ERCC8: variants seen among roughly 807,000 people sequenced by gnomAD.
The protein encoded by ERCC8 is ERCC excision repair 8, CSA ubiquitin ligase complex subunit, also known as DNA excision repair protein ERCC-8.
ERCC8 carries 52 observed loss-of-function variants against 54.9 expected under a neutral mutation model. That is an observed-to-expected ratio of 0.95 (90% CI 0.76 to 1.19). The LOEUF is 1.19. Among genes scored for constraint, ERCC8 ranks in the 50% most tolerant of loss-of-function variants. The pLI is 0.00. For missense variants in ERCC8, 514 were observed against 466.1 expected, an observed-to-expected ratio of 1.10 and a Z score of -0.95; for synonymous variants, 146 against 157.2, an observed-to-expected ratio of 0.93 and a Z score of 0.53.
rs1749566340 is a variant in ERCC8, at chr5:60,920,342, T to C, written c.275+1712A>G. ...AGAGATTTTTCCAGTGATACTACTT[T>C]TAAATGAAACAAATTTTTAATGTAG... On this transcript the variant is annotated intron_variant, in intron 3 of 11. Coordinates refer to ENST00000676185, the MANE Select transcript of ERCC8 (RefSeq NM_000082.4). 2.0e-5 allele frequency among the ~76,000 whole-genome samples: 3 copies of C among 152,014 alleles called. No homozygotes were observed. In the South Asian group the frequency reaches 6.2e-4, roughly 31 times the overall value.
intron 8 of ERCC8, among the ~76,000 whole-genome samples, chr5:60,898,738 C>T (rs1027534260): frequency 4.0e-5 from 6 of 149,654 alleles, no homozygotes; most frequent in Non-Finnish European, 7.4e-5. Flanking sequence ...ATTTTTATTG[C>T]TAACCTAAAA....
chr5:60,937,317 G>A (rs909256255), intron 1 of ERCC8, among the ~76,000 whole-genome samples: 1 of 152,204 alleles, frequency 6.6e-6, no homozygotes, highest in African/African-American at 2.4e-5. Context: ...AAGGATACAT[G>A]CTTGCCCTAG....
At chr5:60,943,907 T>C (rs1750342827) in intron 1 of ERCC8, among the ~76,000 whole-genome samples, 1 of 152,234 alleles carries the variant, frequency 6.6e-6, no homozygotes, top group African/African-American at 2.4e-5. Flanking sequence ...CTCTCAGAGA[T>C]ATTTCACAAC....
In ERCC8 at chr5:60,904,771, CA is replaced by C. The variant is rs4647101; in HGVS notation, c.481+20del. 1.3e-5 allele frequency: 20 copies of C among 1,501,604 alleles called. No individual in the cohort carries two copies. In the East Asian group the frequency reaches 4.6e-4, roughly 34 times the overall value. The allele number at this position is 1,501,604 out of a possible 1,614,324, so 93.0% of individuals were successfully genotyped here. On this transcript the variant is annotated intron_variant, in intron 5 of 11. Transcript: ENST00000676185. ...AGAAAGTTTTCAGTATGTCAAAAGA[CA>C]AAAGAATACACTTACAAACCTGCTA...
chr5:60,903,522 T>C, intron 6 of ERCC8, 126 bp downstream of exon 6: 2 of 1,484,892 alleles, frequency 1.3e-6, no homozygotes, highest in East Asian at 2.4e-5. Flanking sequence ...ATTTCCCTGC[T>C]GAGTCTCAAC....
chr5:60,902,698 T>TA (rs2112491543), intron 6 of ERCC8, among the ~76,000 whole-genome samples, 190 bp from the exon 7 acceptor site: 1 of 152,168 alleles, frequency 6.6e-6, no homozygotes, highest in South Asian at 2.1e-4. Flanking sequence ...ATTTCAAACA[T>TA]ATGGTATTTT....
At chr5:60,936,423 C>G (rs1750068045) in intron 1 of ERCC8, among the ~76,000 whole-genome samples, 1 of 152,168 alleles carries the variant, frequency 6.6e-6, no homozygotes, top group African/African-American at 2.4e-5. Flanking sequence ...GTTGGTTAAT[C>G]TAGCTAATGG....
rs571783226 is a variant in ERCC8, at chr5:60,869,768, A to T, written c.*4847T>A. Reference sequence around the variant, plus strand: ...ATTTATTATTTCTACATATTTTTTTAAAACTAGGCATTTCATAGGTGTACC... The same window carrying T: ...ATTTATTATTTCTACATATTTTTTTTAAACTAGGCATTTCATAGGTGTACC... On this transcript the variant is annotated 3_prime_UTR_variant, in exon 12 of 12. Transcript: ENST00000676185. 1.7e-4 allele frequency among the ~76,000 whole-genome samples: 26 copies of T among 152,314 alleles called. No individual in the cohort carries two copies. In the South Asian group the frequency reaches 5.2e-3, roughly 30 times the overall value.
At chr5:60,929,464 T>G (rs1204227797) in intron 1 of ERCC8, among the ~76,000 whole-genome samples, 3 of 151,880 alleles carry the variant, frequency 2.0e-5, no homozygotes, top group Admixed American at 2.0e-4. Context: ...CTGGGCATGG[T>G]GGTGGGCTCC....
rs183397249 is a variant in ERCC8, at chr5:60,870,593, C to T, written c.*4022G>A. Among the ~76,000 whole-genome samples the T allele has an allele frequency of 6.8e-5, 10 of 146,810 alleles. No individual in the cohort carries two copies. Among genetic ancestry groups the T allele is most frequent in the East Asian group, 2.0e-4 (1 of 5,024 alleles). On this transcript the variant is annotated 3_prime_UTR_variant, in exon 12 of 12. Coordinates refer to ENST00000676185, the MANE Select transcript of ERCC8 (RefSeq NM_000082.4). ...AGGAAAATTGCTTGAACCTGGGAAG[C>T]GGAGGTTGCAGTGAGCTGAGATGGC...
chr5:60,936,545 A>AT (rs1197081415), intron 1 of ERCC8, among the ~76,000 whole-genome samples: 5 of 149,952 alleles, frequency 3.3e-5, no homozygotes, highest in Non-Finnish European at 7.4e-5. Flanking sequence ...GATCTTGGTT[A>AT]TTTTTTTTCT....
Position 60,882,348 on chromosome 5 carries a change from A to T in ERCC8, c.1122+5092T>A, listed in dbSNP as rs77551122. 1.2e-3 allele frequency among the ~76,000 whole-genome samples: 186 copies of T among 152,312 alleles called. 7 individuals are homozygous for T. In the East Asian group the frequency reaches 0.029, roughly 24 times the overall value. ...CATTCTTTATTGTTAAACAGATTAC[A>T]TTATTAAACTTAATGTCAGCTATAC... is the stretch of plus-strand genomic sequence containing the variant. On this transcript the variant is annotated intron_variant, in intron 11 of 11. Coordinates refer to ENST00000676185, the MANE Select transcript of ERCC8 (RefSeq NM_000082.4).
At chr5:60,899,546 TTTA>T (rs757842428) in intron 8 of ERCC8, 78 bp downstream of exon 8, 5 of 1,020,476 alleles carry the variant, frequency 4.9e-6, no homozygotes, top group Non-Finnish European at 6.2e-6. Flanking sequence ...TCAATATGCG[TTTA>T]TTATGTGGCT....
intron 4 of ERCC8, chr5:60,909,970 A>T (rs1381026096): frequency 6.6e-6 from 1 of 151,290 alleles, no homozygotes; most frequent in African/African-American, 2.4e-5. Flanking sequence ...AGAAAAAAAA[A>T]AAAATAATAA....
intron 2 of ERCC8, among the ~76,000 whole-genome samples, chr5:60,926,343 GGTGT>G (rs749284118): frequency 6.6e-6 from 1 of 152,082 alleles, no homozygotes; most frequent in East Asian, 1.9e-4. Context: ...TCCTTTAAAT[GGTGT>G]GTGTAATGAT....
chr5:60,933,495 GGT>G (rs751847577), intron 1 of ERCC8, among the ~76,000 whole-genome samples: 92 of 152,068 alleles, frequency 6.0e-4, no homozygotes, highest in Non-Finnish European at 1.1e-3. Context: ...TGGGATTACA[GGT>G]GTGAGCCACC....
chr5:60,887,595 G>A, intron 10 of ERCC8, 75 bp from the exon 11 acceptor site: 1 of 1,070,414 alleles, frequency 9.3e-7, no homozygotes, highest in Non-Finnish European at 1.5e-6. Context: ...TATCATTTTT[G>A]AAATAATTAG....
At chr5:60,908,758 C>T (rs1218930182) in intron 4 of ERCC8, among the ~76,000 whole-genome samples, 1 of 151,918 alleles carries the variant, frequency 6.6e-6, no homozygotes, top group Non-Finnish European at 1.5e-5. Context: ...AAGTGTGCAG[C>T]TGTGGTTGCC....
At chr5:60,916,154 G>A (rs1749428925) in intron 4 of ERCC8, among the ~76,000 whole-genome samples, 1 of 152,010 alleles carries the variant, frequency 6.6e-6, no homozygotes, top group South Asian at 2.1e-4. Context: ...GAAAAAACCA[G>A]TGCAAGATGT....
Sources: allele counts gnomAD v4.1 joint callset (sites outside exome capture counted in the v4.1 genomes callset), GRCh38; gene constraint gnomAD v4.1.1; transcripts MANE v1.5; gene names NCBI Gene and HGNC (gene_info 2026-07-23, HGNC 2026-07-21).